Variants in SCAF4 observed in about 807,000 individuals in gnomAD.
The protein encoded by SCAF4 is SR-related and CTD-associated factor 4.
In SCAF4, 25 loss-of-function variants were observed where a neutral mutation model predicts 129.8. The observed-to-expected ratio is 0.19, with a 90% confidence interval of 0.14 to 0.27. The LOEUF (loss-of-function observed/expected upper bound fraction) is 0.27, where lower values mean the gene tolerates loss of function less well. Ranked by LOEUF, SCAF4 falls within the 10% of genes least tolerant of loss-of-function variation. The probability of loss-of-function intolerance (pLI) is 1.00; values close to 1 mark genes in which losing one functional copy is unlikely to be tolerated. For synonymous variants in SCAF4, 551 were observed against 497.7 expected, an observed-to-expected ratio of 1.11 and a Z score of -1.43; for missense variants, 1,246 against 1,457.1, an observed-to-expected ratio of 0.86 and a Z score of 2.36.
chr21:31,689,739 C>A (rs1221739140), intron 15 of SCAF4, among the ~76,000 whole-genome samples: 1 of 150,758 alleles, frequency 6.6e-6, no homozygotes, highest in African/African-American at 2.4e-5. Flanking sequence ...TCGAGGCCAG[C>A]CTAACATGGT....
At chr21:31,731,635 G>A in intron 1 of SCAF4, 28 bp downstream of exon 1, 2 of 1,586,896 alleles carry the variant, frequency 1.3e-6, no homozygotes, top group Non-Finnish European at 1.7e-6. Context: ...AGCAGGCCCG[G>A]CACCCCCCTG....
At chr21:31,691,008 T>G in intron 14 of SCAF4, 55 bp from the exon 15 acceptor site, 1 of 1,471,136 alleles carries the variant, frequency 6.8e-7, no homozygotes, top group South Asian at 1.3e-5. Context: ...TCGTAAGTCT[T>G]GAGGGTATTA....
chr21:31,711,235 T>C (rs530787865), intron 1 of SCAF4, among the ~76,000 whole-genome samples: 254 of 152,380 alleles, frequency 1.7e-3, no homozygotes, highest in African/African-American at 5.7e-3. Context: ...TTTTCAAAAT[T>C]GGAGGTTTGC....
chr21:31,678,447 G>A (rs2049916268), intron 19 of SCAF4, among the ~76,000 whole-genome samples: 1 of 152,128 alleles, frequency 6.6e-6, no homozygotes, highest in South Asian at 2.1e-4. Context: ...TGCTGCAACA[G>A]CATCAGAACC....
rs757267386 is a variant in SCAF4 at position 31,700,968 on chromosome 21, G to C, written c.777+27C>G. ...ACTCAAGTTGAGTGATATAAATGGT[G>C]GGGTGGGTTATGTGAGAGAAATATA... On this transcript the variant is annotated intron_variant, in intron 7 of 19. Coordinates refer to ENST00000286835, the MANE Select transcript of SCAF4 (RefSeq NM_020706.2). 7 of 1,605,926 alleles carry C rather than the reference G, an allele frequency of 4.4e-6. No individual in the cohort carries two copies. In the Admixed American group the frequency reaches 1.2e-4, roughly 27 times the overall value.
chr21:31,671,349 GC>G lies in SCAF4; in HGVS notation c.*49del. On this transcript the variant is annotated 3_prime_UTR_variant, in exon 20 of 20. Coordinates refer to ENST00000286835, the MANE Select transcript of SCAF4 (RefSeq NM_020706.2). ...ATAATACAGCATCTGTACACCTCAA[GC>G]TCTACACTCCAGGAAGTGTCACTGT... is the stretch of plus-strand genomic sequence containing the variant. The G allele has an allele frequency of 6.3e-7, 1 of 1,577,144 alleles. No homozygotes were observed. Among genetic ancestry groups the G allele is most frequent in the Non-Finnish European group, 8.6e-7 (1 of 1,161,468 alleles).
chr21:31,690,466 CAG>C (rs2050233700), intron 15 of SCAF4, among the ~76,000 whole-genome samples: 1 of 152,248 alleles, frequency 6.6e-6, no homozygotes, highest in African/African-American at 2.4e-5. Context: ...GCCTGGGCTA[CAG>C]AGACTCCACC....
chr21:31,688,905 GAACACATTTCACT>G (rs1480178952), intron 15 of SCAF4, among the ~76,000 whole-genome samples: 2 of 152,128 alleles, frequency 1.3e-5, no homozygotes, highest in African/African-American at 4.8e-5. Context: ...AATATTTCCT[GAACACATTTCACT>G]AATATTAAAG....
rs753722913 is a variant in SCAF4 at position 31,672,015 on chromosome 21, G to A, written c.2828C>T (p.Pro943Leu). The A allele has an allele frequency of 2.5e-6, 4 of 1,613,212 alleles. No individual in the cohort carries two copies. Among genetic ancestry groups the A allele is most frequent in the Admixed American group, 1.7e-5 (1 of 59,972 alleles). Reference sequence around the variant, plus strand: ...TGGCTGCTGCTGTGGCTGCTGCGGCGGCTGTTGCCTTCCGTCTCTGTCTTC... The same window carrying A: ...TGGCTGCTGCTGTGGCTGCTGCGGCAGCTGTTGCCTTCCGTCTCTGTCTTC... ...GPEDRDGRQQ[P>L]PQQPQQQPQP... The change falls in exon 20 of 20, where the codon CCG becomes CTG. Residue 943 changes from proline to leucine, a missense_variant. This residue lies in a region of SCAF4 where 339 missense variants were observed against 325.0 expected (regional missense o/e 1.04). Coordinates refer to ENST00000286835, the MANE Select transcript of SCAF4 (RefSeq NM_020706.2).
chr21:31,677,439 G>A (rs948745045), intron 19 of SCAF4, among the ~76,000 whole-genome samples: 1 of 152,020 alleles, frequency 6.6e-6, no homozygotes, highest in African/African-American at 2.4e-5. Flanking sequence ...CTCCTCTATA[G>A]CAAATCTCCT....
chr21:31,678,772 T>A (rs1402039845), intron 19 of SCAF4, among the ~76,000 whole-genome samples: 1 of 152,208 alleles, frequency 6.6e-6, no homozygotes, highest in Non-Finnish European at 1.5e-5. Context: ...CTGGTTCAGA[T>A]GCCTTCCCTA....
rs929860441 is a variant in SCAF4, at chr21:31,693,346, C to T, written c.1461G>A (p.Glu487=). The change falls in exon 12 of 20, where the codon GAG becomes GAA. Residue 487 remains glutamate, a synonymous_variant. Coordinates refer to ENST00000286835, the MANE Select transcript of SCAF4 (RefSeq NM_020706.2). ...RSQERRDREK[E]RERRQKGLPQ... ...GGAGGCCTTTTTGTCGACGTTCTCT[C>T]TCTTTTTCTCGATCCCGTCTTTCTT... 3 of 1,543,990 alleles carry T rather than the reference C, an allele frequency of 1.9e-6. No individual in the cohort carries two copies. Among genetic ancestry groups the T allele is most frequent in the Non-Finnish European group, 2.7e-6 (3 of 1,131,438 alleles).
At chr21:31,676,243 T>G (rs765025425) in intron 19 of SCAF4, among the ~76,000 whole-genome samples, 10 of 152,132 alleles carry the variant, frequency 6.6e-5, no homozygotes, top group Non-Finnish European at 1.5e-4. Flanking sequence ...CTCTAGATGT[T>G]TGATCACTAA....
chr21:31,690,664 G>T, intron 15 of SCAF4, 133 bp downstream of exon 15: 1 of 685,490 alleles, frequency 1.5e-6, no homozygotes. Flanking sequence ...GTTTATAATG[G>T]AGATACTGAC....
At position 31,671,294 on chromosome 21, in the gene SCAF4, G is replaced by T. The variant is rs2123445873; in HGVS notation, c.*105C>A. 7.8e-7 allele frequency: 1 copy of T among 1,289,220 alleles called. No individual in the cohort carries two copies. The highest frequency in any genetic ancestry group is 2.4e-5 in the East Asian group (1 of 41,634). 79.9% of individuals were successfully genotyped at this position (1,289,220 alleles called of 1,614,324 possible). On this transcript the variant is annotated 3_prime_UTR_variant, in exon 20 of 20. Coordinates refer to ENST00000286835, the MANE Select transcript of SCAF4 (RefSeq NM_020706.2). ...ATTGCTTACAGTTCCCCACCAGCTG[G>T]CGCGGGGCTGCAGTACAGCGGGAGC... is the stretch of plus-strand genomic sequence containing the variant.
At chr21:31,694,421 T>C in intron 10 of SCAF4, 132 bp from the exon 11 acceptor site, 1 of 588,430 alleles carries the variant, frequency 1.7e-6, no homozygotes, top group Non-Finnish European at 2.9e-6. Context: ...GGGACCAAAT[T>C]ACTAGTAACA....
At chr21:31,712,166 A>AC (rs2050813098) in intron 1 of SCAF4, among the ~76,000 whole-genome samples, 1 of 151,130 alleles carries the variant, frequency 6.6e-6, no homozygotes, top group Non-Finnish European at 1.5e-5. Context: ...CAGGTAAGAC[A>AC]TGGGCCCTCT....
chr21:31,718,976 T>G (rs368648025), intron 1 of SCAF4, among the ~76,000 whole-genome samples: 1 of 152,328 alleles, frequency 6.6e-6, no homozygotes, highest in African/African-American at 2.4e-5. Flanking sequence ...TATATTTCTA[T>G]GTGCAGTAAG....
At chr21:31,684,883 C>G in intron 19 of SCAF4, 166 bp downstream of exon 19, 1 of 584,544 alleles carries the variant, frequency 1.7e-6, no homozygotes, top group Non-Finnish European at 3.0e-6. Flanking sequence ...AGAGGAAGAT[C>G]TTCCTCAAAA....
Sources: gnomAD v4.1 joint callset for allele counts (sites outside exome capture counted in the v4.1 genomes callset) on GRCh38, gnomAD v4.1.1 for gene constraint, gnomAD v4.1.1 regional missense constraint, MANE v1.5 for transcripts, NCBI Gene and HGNC (gene_info 2026-07-23, HGNC 2026-07-21) for gene names.